Variants in NEO1 observed in about 807,000 individuals in gnomAD.
NEO1 encodes neogenin.
In NEO1, 63 loss-of-function variants were observed where a neutral mutation model predicts 159.7. The ratio of observed to expected loss-of-function variants is 0.39; its 90% CI spans 0.32 to 0.49. The LOEUF (loss-of-function observed/expected upper bound fraction) is 0.49, where lower values mean the gene tolerates loss of function less well. Among genes scored for constraint, NEO1 ranks in the 20% least tolerant of loss-of-function variants. The pLI is 0.85. For missense variants in NEO1, 1,615 were observed against 1,831.0 expected (o/e 0.88, Z 2.15); for synonymous variants, 633 against 662.0 (o/e 0.96, Z 0.67).
intron 1 of NEO1, among the ~76,000 whole-genome samples, chr15:73,055,806 G>A (rs1430332898): frequency 1.3e-5 from 2 of 152,044 alleles, no homozygotes; most frequent in African/African-American, 2.4e-5. Flanking sequence ...TGCCTGTCTT[G>A]GTCATCACTG....
chr15:73,117,753 A>T (rs2071407559), intron 2 of NEO1, among the ~76,000 whole-genome samples: 2 of 152,250 alleles, frequency 1.3e-5, no homozygotes, highest in Admixed American at 1.3e-4. Context: ...CTCAAAGTTG[A>T]ATTTGGGTGT....
chr15:73,131,072 C>A (rs1261253041), intron 4 of NEO1, among the ~76,000 whole-genome samples: 6 of 152,170 alleles, frequency 3.9e-5, no homozygotes. Context: ...CACACACACC[C>A]ACTTTCTCTG....
At chr15:73,278,870 T>G (rs2041542227) in intron 22 of NEO1, among the ~76,000 whole-genome samples, 1 of 152,206 alleles carries the variant, frequency 6.6e-6, no homozygotes, top group Non-Finnish European at 1.5e-5. Flanking sequence ...CATTTCTGAT[T>G]GTGCTTTTCC....
At chr15:73,232,591 G>C (rs1596418223) in intron 7 of NEO1, among the ~76,000 whole-genome samples, 1 of 152,204 alleles carries the variant, frequency 6.6e-6, no homozygotes, top group Non-Finnish European at 1.5e-5. Flanking sequence ...GCTTGGGCCT[G>C]CTGCAGTCCC....
intron 1 of NEO1, among the ~76,000 whole-genome samples, chr15:73,068,770 C>A (rs1167888368): frequency 6.9e-6 from 1 of 145,476 alleles, no homozygotes; most frequent in Admixed American, 6.8e-5. Context: ...CCATCTTGGA[C>A]TGAGAATCTA....
intron 6 of NEO1, among the ~76,000 whole-genome samples, chr15:73,177,980 C>G (rs2035379069): frequency 1.3e-5 from 2 of 152,190 alleles, no homozygotes; most frequent in Admixed American, 1.3e-4. Context: ...CTTAAATTCA[C>G]AAATTGGACT....
intron 11 of NEO1, among the ~76,000 whole-genome samples, chr15:73,250,636 G>A (rs1281059044): frequency 2.0e-5 from 3 of 151,852 alleles, no homozygotes; most frequent in Non-Finnish European, 2.9e-5. Flanking sequence ...TCCAAATTGA[G>A]GGAAGCTCTG....
At chr15:73,280,756 A>G (rs545883335) in intron 22 of NEO1, among the ~76,000 whole-genome samples, 1 of 152,264 alleles carries the variant, frequency 6.6e-6, no homozygotes, top group Admixed American at 6.5e-5. Flanking sequence ...AAATGATTGA[A>G]CCAAATGTAG....
intron 7 of NEO1, among the ~76,000 whole-genome samples, chr15:73,199,583 C>T (rs1340045864): frequency 1.3e-5 from 2 of 152,160 alleles, no homozygotes; most frequent in Non-Finnish European, 2.9e-5. Context: ...ACATAGATGT[C>T]TGAGTTTTCT....
Position 73,296,947 on chromosome 15 carries a change from A to C in NEO1, c.3902-1401A>C, listed in dbSNP as rs2042397071. Among the ~76,000 whole-genome samples, 4 of 152,332 alleles carry C rather than the reference A, an allele frequency of 2.6e-5. No individual in the cohort carries two copies. In the South Asian group the frequency reaches 8.3e-4, roughly 32 times the overall value. ...ACAGCAGTTGGCCACAGATAATTGA[A>C]ATCATTGAAAGCAAAAGCATGGATA... On this transcript the variant is annotated intron_variant, in intron 26 of 28. Transcript: ENST00000261908.
At chr15:73,249,492 T>C in intron 10 of NEO1, 91 bp from the exon 11 acceptor site, 1 of 1,329,432 alleles carries the variant, frequency 7.5e-7, no homozygotes, top group Non-Finnish European at 1.0e-6. Flanking sequence ...CTGTTTCATG[T>C]AGAATATAGA....
intron 1 of NEO1, among the ~76,000 whole-genome samples, chr15:73,062,729 A>T (rs2068037450): frequency 6.6e-6 from 1 of 152,182 alleles, no homozygotes; most frequent in African/African-American, 2.4e-5. Flanking sequence ...TACTGTGGTG[A>T]TTTAAAGTGG....
chr15:73,081,718 G>A (rs1052587414), intron 1 of NEO1, among the ~76,000 whole-genome samples: 6 of 151,944 alleles, frequency 3.9e-5, no homozygotes, highest in African/African-American at 1.5e-4. Flanking sequence ...TGGGACCATA[G>A]GTGCATGCCA....
upstream of NEO1, chr15:73,051,711 G>A (rs2067445385): frequency 6.6e-6 from 1 of 151,790 alleles, no homozygotes; most frequent in South Asian, 2.1e-4. Context: ...GGAGCCGGAG[G>A]TCAGCGGCTG....
intron 1 of NEO1, among the ~76,000 whole-genome samples, chr15:73,096,037 A>G (rs1314878261): frequency 6.6e-6 from 1 of 152,196 alleles, no homozygotes; most frequent in Non-Finnish European, 1.5e-5. Flanking sequence ...CGAAAAGTTT[A>G]TGGGGACAGT....
chr15:73,202,996 A>G (rs2056552850), intron 7 of NEO1, among the ~76,000 whole-genome samples: 2 of 152,198 alleles, frequency 1.3e-5, no homozygotes, highest in African/African-American at 4.8e-5. Flanking sequence ...TTACATCTAT[A>G]TACCACATTT....
chr15:73,264,858 T>C (rs1367586711), intron 15 of NEO1, among the ~76,000 whole-genome samples: 1 of 152,200 alleles, frequency 6.6e-6, no homozygotes, highest in African/African-American at 2.4e-5. Flanking sequence ...TCCCAGACAC[T>C]GTGCTAGAGA....
chr15:73,293,310 G>A (rs2042227513), intron 25 of NEO1, 80 bp from the exon 26 acceptor site: 1 of 1,550,648 alleles, frequency 6.4e-7, no homozygotes, highest in Non-Finnish European at 8.8e-7. Flanking sequence ...TGGGAAGGGG[G>A]TGACTTTGCT....
At chr15:73,081,375 A>G (rs1392033345) in intron 1 of NEO1, among the ~76,000 whole-genome samples, 1 of 152,226 alleles carries the variant, frequency 6.6e-6, no homozygotes. Flanking sequence ...ACAAATTTAC[A>G]GTTAAATAGA....
Sources: gnomAD v4.1 joint callset for allele counts (sites outside exome capture counted in the v4.1 genomes callset) on GRCh38, gnomAD v4.1.1 for gene constraint, MANE v1.5 for transcripts, NCBI Gene and HGNC (gene_info 2026-07-23, HGNC 2026-07-21) for gene names.